Variants in ITGA2B observed in about 807,000 individuals in gnomAD.
ITGA2B encodes integrin alpha-IIb.
A neutral mutation model predicts 142.0 loss-of-function variants in ITGA2B; 91 were observed. That is an observed-to-expected ratio of 0.64 (90% CI 0.54 to 0.76). ITGA2B has a LOEUF of 0.76. ITGA2B is among the 30% of genes least tolerant of loss of function. ITGA2B has a pLI of 0.00. For missense variants in ITGA2B, 1,231 were observed against 1,350.8 expected (o/e 0.91, Z 1.39); for synonymous variants, 536 against 567.2 (o/e 0.94, Z 0.78).
In ITGA2B at chr17:44,374,778, G is replaced by T; in HGVS notation, c.2842-18C>A. ...AGAGGCCTCTGGACAGGTTGGGGTT[G>T]AAAGCCGTTTACACCCACAAGAGGC... On this transcript the variant is annotated intron_variant, in intron 27 of 29. Transcript: ENST00000262407. The T allele has an allele frequency of 6.2e-7, 1 of 1,607,656 alleles. No individual in the cohort carries two copies. The highest frequency in any genetic ancestry group is 8.5e-7 in the Non-Finnish European group (1 of 1,174,376).
At position 44,373,387 on chromosome 17, in the gene ITGA2B, C is replaced by A. The variant is rs189278685; in HGVS notation, c.3061-964G>T. Among the ~76,000 whole-genome samples the A allele has an allele frequency of 2.9e-3, 448 of 152,258 alleles. 3 individuals are homozygous for A. Among genetic ancestry groups the A allele is most frequent in the African/African-American group, 0.01 (422 of 41,548 alleles). On this transcript the variant is annotated intron_variant, in intron 29 of 29. Transcript: ENST00000262407. ...TCCTGACCTCATGAACCGCCCACCT[C>A]GGCCTCCCAAAGTGCTGGGATTACC...
chr17:44,375,711 G>GT lies in ITGA2B; in HGVS notation c.2606dup (p.Asp869GlufsTer54), dbSNP rs1251095196. The GT allele has an allele frequency of 6.3e-7, 1 of 1,580,438 alleles. No individual in the cohort carries two copies. Among genetic ancestry groups the GT allele is most frequent in the East Asian group, 2.3e-5 (1 of 43,556 alleles). ...AGGGGCTGGGGATGGGCAGCCCCCA[G>GT]TCCACCTGGGGGGGCAAAGGAGTGG... On this transcript the variant is annotated frameshift_variant, in exon 26 of 30. Coordinates refer to ENST00000262407, the MANE Select transcript of ITGA2B (RefSeq NM_000419.5). LOFTEE classifies it high-confidence loss of function.
intron 1 of ITGA2B, among the ~76,000 whole-genome samples, chr17:44,388,315 CA>C: frequency 6.7e-6 from 1 of 149,122 alleles, no homozygotes; most frequent in Non-Finnish European, 1.5e-5. Context: ...TTCTGCAAAT[CA>C]ATTTAGGACA....
rs761480503 is a variant in ITGA2B at position 44,385,260 on chromosome 17, C to T, written c.624+26G>A. The T allele has an allele frequency of 6.8e-6, 11 of 1,613,676 alleles. No homozygotes were observed. The East Asian group carries it at 1.6e-4, about 23-fold the overall frequency. On this transcript the variant is annotated intron_variant, in intron 5 of 29. Transcript: ENST00000262407. ...AGGGGGCCCTGTTTGGGAGCCGCCC[C>T]CACTGCGCTTTTGCTCCCTACTCGC...
intron 29 of ITGA2B, among the ~76,000 whole-genome samples, chr17:44,373,070 A>G (rs937957158): frequency 2.0e-5 from 3 of 152,038 alleles, no homozygotes; most frequent in African/African-American, 7.2e-5. Flanking sequence ...ACTTTTTTGT[A>G]GAGATGGAGT....
chr17:44,381,152 C>T, intron 12 of ITGA2B, 91 bp from the exon 13 acceptor site: 2 of 1,302,484 alleles, frequency 1.5e-6, no homozygotes, highest in East Asian at 2.5e-5. Context: ...GGGAACATCC[C>T]AGGAGACTAG....
rs1225206690 is a variant in ITGA2B, at chr17:44,379,732, G to T, written c.1835C>A (p.Ala612Asp). The T allele has an allele frequency of 6.2e-7, 1 of 1,613,792 alleles. No individual in the cohort carries two copies. The highest frequency in any genetic ancestry group is 1.3e-5 in the African/African-American group (1 of 74,874). Residue 612 changes from alanine to aspartate, a missense_variant, in exon 18 of 30, where the codon GCC becomes GAC. Around this residue, in one of 3 missense-constraint regions of ITGA2B, gnomAD observed 908 missense variants for 1,021.1 expected, o/e 0.89. Coordinates refer to ENST00000262407, the MANE Select transcript of ITGA2B (RefSeq NM_000419.5). ...GTCTCCATGCAGCACGACAGCAGGGGCCATTCCAGCCTCCGTGGGCGGTAG... is the reference window on the plus strand; with the variant it reads ...GTCTCCATGCAGCACGACAGCAGGGTCCATTCCAGCCTCCGTGGGCGGTAG... ...VSLPPTEAGMAPAVVLHGDTH... is the reference protein window; with the variant it reads ...VSLPPTEAGMDPAVVLHGDTH...
intron 13 of ITGA2B, 111 bp from the exon 14 acceptor site, chr17:44,380,756 CCT>C (rs1567902492): frequency 1.3e-6 from 2 of 1,589,602 alleles, no homozygotes; most frequent in Admixed American, 3.3e-5. Flanking sequence ...TCACCCAGCC[CCT>C]CTGGCAGTCC....
chr17:44,384,669 A>G, intron 7 of ITGA2B, 84 bp from the exon 8 acceptor site: 2 of 1,487,546 alleles, frequency 1.3e-6, no homozygotes, highest in Admixed American at 1.7e-5. Flanking sequence ...GATTAAGGCC[A>G]CTCAGCCCCA....
chr17:44,381,114 T>G, intron 12 of ITGA2B, 53 bp from the exon 13 acceptor site: 1 of 1,569,570 alleles, frequency 6.4e-7, no homozygotes, highest in African/African-American at 1.4e-5. Flanking sequence ...CCTCCCTAGA[T>G]GACTGTAAAA....
chr17:44,378,570 A>T, intron 19 of ITGA2B, 61 bp from the exon 20 acceptor site: 4 of 1,604,256 alleles, frequency 2.5e-6, no homozygotes, highest in Non-Finnish European at 3.4e-6. Flanking sequence ...GTGGGAAAAG[A>T]GGGGACTAAG....
chr17:44,385,706 G>A lies in ITGA2B; in HGVS notation c.419C>T (p.Pro140Leu). ...TTCTAGGACGTTCCAGTGCTGCCAG[G>A]GGGCGCAGGCCTGGAGAAAGGCCAC... ...SWSDVIVACA[P>L]WQHWNVLEKT... Residue 140 changes from proline to leucine, a missense_variant, in exon 4 of 30, where the codon CCC (proline) becomes CTC (leucine). Pro to Leu is a moderately conservative substitution (Grantham distance 98). Transcript: ENST00000262407. 6.2e-7 allele frequency: 1 copy of A among 1,613,674 alleles called. No individual in the cohort carries two copies. Among genetic ancestry groups the A allele is most frequent in the Non-Finnish European group, 8.5e-7 (1 of 1,180,010 alleles).
Position 44,380,241 on chromosome 17 carries a change from C to T in ITGA2B, c.1600+5G>A, listed in dbSNP as rs2048583089. 1.2e-6 allele frequency: 2 copies of T among 1,614,172 alleles called. No homozygotes were observed. ...CCTCCCTCCTGCCCCCTTCATGCCA[C>T]TCACATAGCTTCTGAGGAATGTTGT... On this transcript the variant is annotated splice_donor_5th_base_variant and intron_variant, in intron 16 of 29. Transcript: ENST00000262407.
Position 44,374,474 on chromosome 17 carries a change from G to A in ITGA2B, c.2944-4C>T, listed in dbSNP as rs2048521859. The A allele has an allele frequency of 6.2e-7, 1 of 1,613,090 alleles. No individual in the cohort carries two copies. On this transcript the variant is annotated splice_region_variant and splice_polypyrimidine_tract_variant and intron_variant, in intron 28 of 29. Transcript: ENST00000262407. The stretch of plus-strand genomic sequence containing the variant: ...CCCGGAGCAGCTGTGTCCACACCTG[G>A]GGGCAAACCCACGTGTCTCCTCAGT...
At chr17:44,376,549 G>C (rs972246341) in intron 22 of ITGA2B, among the ~76,000 whole-genome samples, 161 bp from the exon 23 acceptor site, 7 of 152,062 alleles carry the variant, frequency 4.6e-5, no homozygotes, top group Non-Finnish European at 8.8e-5. Flanking sequence ...AGGGCTCCAA[G>C]ACTCAGACAT....
intron 21 of ITGA2B, 45 bp downstream of exon 21, chr17:44,377,653 A>G: frequency 2.3e-6 from 3 of 1,284,850 alleles, no homozygotes; most frequent in Non-Finnish European, 3.3e-6. Flanking sequence ...CTGGTTATTC[A>G]TGAGCCCCTG....
chr17:44,384,964 G>A lies in ITGA2B; in HGVS notation c.783C>T (p.Tyr261=). 1 of 1,614,154 alleles carries A rather than the reference G, an allele frequency of 6.2e-7. No homozygotes were observed. The highest frequency in any genetic ancestry group is 8.5e-7 in the Non-Finnish European group (1 of 1,180,020). Residue 261 remains tyrosine (Y), a synonymous_variant, in exon 7 of 30, where the codon TAC becomes TAT. Transcript: ENST00000262407. The part of the protein sequence containing the change: ...SLSFDSSNPE[Y]FDGYWGYSVA... Reference sequence around the variant, plus strand: ...CGGTGTTACCCCAGTAGCCGTCGAAGTACTCTGGGTTGCTGGAGTCAAAGG... The same window carrying A: ...CGGTGTTACCCCAGTAGCCGTCGAAATACTCTGGGTTGCTGGAGTCAAAGG...
chr17:44,388,695 T>A (rs983342645), intron 1 of ITGA2B, among the ~76,000 whole-genome samples: 1 of 152,078 alleles, frequency 6.6e-6, no homozygotes, highest in Non-Finnish European at 1.5e-5. Context: ...ATTTTTGTAT[T>A]TTTAATAGAG....
chr17:44,375,142 G>C, intron 26 of ITGA2B, 31 bp from the exon 27 acceptor site: 1 of 1,525,104 alleles, frequency 6.6e-7, no homozygotes, highest in Non-Finnish European at 8.9e-7. Flanking sequence ...TCCCCAGCCC[G>C]TCCCGGCCCA....
Sources: gnomAD v4.1 joint callset for allele counts (sites outside exome capture counted in the v4.1 genomes callset) on GRCh38, gnomAD v4.1.1 for gene constraint, gnomAD v4.1.1 regional missense constraint, MANE v1.5 for transcripts, NCBI Gene and HGNC (gene_info 2026-07-23, HGNC 2026-07-21) for gene names.